Variants in PLS1 observed in about 807,000 individuals in gnomAD.
PLS1 encodes the protein plastin-1.
PLS1 carries 32 observed loss-of-function variants against 73.7 expected under a neutral mutation model. That is an observed-to-expected ratio of 0.43 (90% confidence interval 0.33 to 0.58). PLS1 has a LOEUF of 0.58. PLS1 is among the 20% of genes least tolerant of loss of function. PLS1 has a pLI of 0.04. For missense variants in PLS1, 633 were observed against 740.5 expected (o/e 0.85, Z 1.68); for synonymous variants, 217 against 261.3 (o/e 0.83, Z 1.63).
At chr3:142,619,938 A>G (rs770065174) in intron 1 of PLS1, among the ~76,000 whole-genome samples, 1 of 152,136 alleles carries the variant, frequency 6.6e-6, no homozygotes, top group Non-Finnish European at 1.5e-5. Context: ...GTATATATGC[A>G]GAAAAACATA....
chr3:142,655,941 G>A (rs1577847558), intron 1 of PLS1, among the ~76,000 whole-genome samples: 2 of 152,186 alleles, frequency 1.3e-5, no homozygotes, highest in East Asian at 3.9e-4. Flanking sequence ...AATCCAGGCT[G>A]TTGGCAATCA....
intron 1 of PLS1, among the ~76,000 whole-genome samples, chr3:142,632,967 G>A (rs2036598537): frequency 6.6e-6 from 1 of 152,176 alleles, no homozygotes; most frequent in Non-Finnish European, 1.5e-5. Flanking sequence ...ACAGTAAGAC[G>A]TGGAAGCAAA....
At chr3:142,633,690 C>A (rs914987480) in intron 1 of PLS1, among the ~76,000 whole-genome samples, 4 of 151,914 alleles carry the variant, frequency 2.6e-5, no homozygotes, top group Non-Finnish European at 4.4e-5. Flanking sequence ...AAACAAAAAA[C>A]ATGGTTAAGA....
At chr3:142,638,231 G>A (rs2036741564) in intron 1 of PLS1, among the ~76,000 whole-genome samples, 1 of 152,194 alleles carries the variant, frequency 6.6e-6, no homozygotes, top group African/African-American at 2.4e-5. Flanking sequence ...CTATGAGATA[G>A]GTATTATTTC....
chr3:142,640,768 T>C (rs1022092164), intron 1 of PLS1, among the ~76,000 whole-genome samples: 3 of 152,114 alleles, frequency 2.0e-5, no homozygotes, highest in Non-Finnish European at 4.4e-5. Context: ...GGGGCATTCA[T>C]TTAGAGGCCA....
chr3:142,625,552 TA>T (rs1460479463), intron 1 of PLS1, among the ~76,000 whole-genome samples: 1 of 152,192 alleles, frequency 6.6e-6, no homozygotes, highest in Non-Finnish European at 1.5e-5. Flanking sequence ...CTGAAATTTT[TA>T]GCTCATCAGT....
In PLS1 at chr3:142,698,000, G is replaced by C. The variant is rs1031954859; in HGVS notation, c.1304G>C (p.Arg435Pro). 3 of 1,613,512 alleles carry C rather than the reference G, an allele frequency of 1.9e-6. No individual in the cohort carries two copies. Among genetic ancestry groups the C allele is most frequent in the Non-Finnish European group, 2.5e-6 (3 of 1,179,632 alleles). ...LVIFQLYEMI[R>P]VPVNWSHVNK... ...ATCTTTCAGCTCTATGAGATGATCC[G>C]AGTGCCAGTCAACTGGAGCCATGTC... Residue 435 changes from arginine to proline, a missense_variant, in exon 12 of 16, where the codon CGA (arginine) becomes CCA (proline). By Grantham distance (103) the Arg-to-Pro change is moderately radical. Coordinates refer to ENST00000457734, the MANE Select transcript of PLS1 (RefSeq NM_001145319.2).
intron 11 of PLS1, among the ~76,000 whole-genome samples, chr3:142,695,871 C>T (rs76288014): frequency 2.6e-5 from 4 of 151,658 alleles, no homozygotes; most frequent in Non-Finnish European, 4.4e-5. Flanking sequence ...CTCGGCTCAC[C>T]GCAACCTCTG....
chr3:142,686,496 G>C, intron 9 of PLS1, 120 bp downstream of exon 9: 1 of 678,084 alleles, frequency 1.5e-6, no homozygotes, highest in South Asian at 1.7e-5. Context: ...TTGTTGTGCA[G>C]CTATCACCAT....
At chr3:142,651,409 C>A (rs1441754431) in intron 1 of PLS1, among the ~76,000 whole-genome samples, 4 of 141,898 alleles carry the variant, frequency 2.8e-5, no homozygotes, top group Non-Finnish European at 3.0e-5. Context: ...TTGTAGTGAG[C>A]CAAAATTGTG....
chr3:142,689,630 C>G lies in PLS1; in HGVS notation c.994C>G (p.Leu332Val), dbSNP rs2038046393. 1.3e-6 allele frequency: 2 copies of G among 1,564,536 alleles called. No individual in the cohort carries two copies. Among genetic ancestry groups the G allele is most frequent in the Non-Finnish European group, 1.7e-6 (2 of 1,159,808 alleles). Reference protein sequence around the residue: ...DLSGINETNDLKRAGLMLQEA... With the variant: ...DLSGINETNDVKRAGLMLQEA... ...TTTTATTGTTTAGGAGACAAATGAC[C>G]TGAAGCGTGCTGGACTCATGCTTCA... Residue 332 changes from leucine (L) to valine (V), a missense_variant, in exon 10 of 16, where the codon CTG becomes GTG. Leu to Val is a conservative substitution (Grantham distance 32). Coordinates refer to ENST00000457734, the MANE Select transcript of PLS1 (RefSeq NM_001145319.2).
intron 5 of PLS1, among the ~76,000 whole-genome samples, chr3:142,677,034 G>A (rs1469460612): frequency 1.3e-5 from 2 of 151,880 alleles, no homozygotes; most frequent in African/African-American, 4.8e-5. Flanking sequence ...AATATACCTT[G>A]ACCTCCACCT....
intron 2 of PLS1, among the ~76,000 whole-genome samples, chr3:142,667,276 G>A (rs1336020624): frequency 6.6e-6 from 1 of 152,134 alleles, no homozygotes; most frequent in Non-Finnish European, 1.5e-5. Flanking sequence ...TTAGCTGGGC[G>A]TGGTGGCATG....
chr3:142,599,332 T>A (rs1441488370), intron 1 of PLS1, among the ~76,000 whole-genome samples: 1 of 60,006 alleles, frequency 1.7e-5, no homozygotes, highest in African/African-American at 4.4e-5. Context: ...TCTTTTTTTT[T>A]TTTTTTTTTT....
intron 1 of PLS1, among the ~76,000 whole-genome samples, chr3:142,617,999 G>A (rs142067941): frequency 2.2e-3 from 341 of 152,128 alleles, no homozygotes; most frequent in African/African-American, 7.8e-3. Context: ...GACAACTACT[G>A]CACCTAATTG....
At chr3:142,623,545 T>G (rs1295392115) in intron 1 of PLS1, 1 of 152,190 alleles carries the variant, frequency 6.6e-6, no homozygotes, top group Non-Finnish European at 1.5e-5. Context: ...TCTCAAGTGA[T>G]AAGACCAGCA....
chr3:142,712,781 A>G lies in PLS1; in HGVS notation c.*774A>G, dbSNP rs776640432. ...CCAGCTTTTCATAAGTGGTATGTTT[A>G]ATTGGTCATTCAGCCAACCATCAGT... On this transcript the variant is annotated 3_prime_UTR_variant, in exon 16 of 16. Coordinates refer to ENST00000457734, the MANE Select transcript of PLS1 (RefSeq NM_001145319.2). The G allele has an allele frequency of 2.6e-5, 4 of 152,538 alleles. No homozygotes were observed. Among genetic ancestry groups the G allele is most frequent in the Non-Finnish European group, 2.9e-5 (2 of 67,972 alleles). 9.4% of individuals were successfully genotyped at this position (152,538 alleles called of 1,614,324 possible).
chr3:142,705,327 T>A (rs1320487387), intron 14 of PLS1, among the ~76,000 whole-genome samples: 2 of 152,150 alleles, frequency 1.3e-5, no homozygotes, highest in African/African-American at 2.4e-5. Context: ...GCCAAACCGA[T>A]TCAAGTGGGA....
At chr3:142,682,629 C>T (rs964657862) in intron 6 of PLS1, among the ~76,000 whole-genome samples, 1 of 152,182 alleles carries the variant, frequency 6.6e-6, no homozygotes, top group Non-Finnish European at 1.5e-5. Context: ...CTTTCCCCTG[C>T]TGATGCATTC....
Sources: gnomAD v4.1 joint callset for allele counts (sites outside exome capture counted in the v4.1 genomes callset) on GRCh38, gnomAD v4.1.1 for gene constraint, MANE v1.5 for transcripts, NCBI Gene and HGNC (gene_info 2026-07-23, HGNC 2026-07-21) for gene names.